ADD2: variants seen among roughly 807,000 people sequenced by gnomAD.
The protein encoded by ADD2 is beta-adducin.
ADD2 carries 23 observed loss-of-function variants against 83.0 expected under a neutral mutation model. That is an observed-to-expected ratio of 0.28 (90% CI 0.20 to 0.39). ADD2 has a LOEUF of 0.39. ADD2 is among the 10% of genes least tolerant of loss of function. The pLI is 1.00. For synonymous variants in ADD2, 375 were observed against 375.4 expected (o/e 1.00, Z 0.01); for missense variants, 758 against 944.9 (o/e 0.80, Z 2.59).
At chr2:70,762,425 C>G (rs1399451464) in intron 1 of ADD2, among the ~76,000 whole-genome samples, 1 of 151,774 alleles carries the variant, frequency 6.6e-6, no homozygotes, top group Non-Finnish European at 1.5e-5. Context: ...ATTTGTGTCA[C>G]AGAGGATAAC....
In ADD2 at chr2:70,696,416, C is replaced by T. The variant is rs150626277; in HGVS notation, c.323-20G>A. On this transcript the variant is annotated intron_variant, in intron 4 of 15. Coordinates refer to ENST00000264436, the MANE Select transcript of ADD2 (RefSeq NM_001617.4). ...AGACATCTGCAGGGACAGTGCAGTT[C>T]TCTCAGGGCCAGGGCCCATCTGCCC... 3 of 1,613,844 alleles carry T rather than the reference C, an allele frequency of 1.9e-6. No homozygotes were observed. Among genetic ancestry groups the T allele is most frequent in the East Asian group, 4.5e-5 (2 of 44,870 alleles).
At chr2:70,678,509 C>T (rs782740912) in intron 11 of ADD2, among the ~76,000 whole-genome samples, 195 bp downstream of exon 11, 1 of 152,210 alleles carries the variant, frequency 6.6e-6, no homozygotes, top group South Asian at 2.1e-4. Flanking sequence ...AAAACTCAGG[C>T]AGAGGTGCAA....
At position 70,692,343 on chromosome 2, in the gene ADD2, T is replaced by C. The variant is rs1172753936; in HGVS notation, c.705+60A>G. 12 of 1,460,474 alleles carry C rather than the reference T, an allele frequency of 8.2e-6. No individual in the cohort carries two copies. The East Asian group carries it at 1.2e-4, about 15-fold the overall frequency. The allele number at this position is 1,460,474 out of a possible 1,614,324, so 90.5% of individuals were successfully genotyped here. ...TTCCAGACTGTTTTAAGTGACGAGA[T>C]TGCTACAACCTCGGCAGCCTTACGT... On this transcript the variant is annotated intron_variant, in intron 7 of 15. Coordinates refer to ENST00000264436, the MANE Select transcript of ADD2 (RefSeq NM_001617.4).
At chr2:70,753,916 A>G (rs1674643425) in intron 1 of ADD2, among the ~76,000 whole-genome samples, 2 of 152,174 alleles carry the variant, frequency 1.3e-5, no homozygotes, top group South Asian at 4.1e-4. Flanking sequence ...AATTCTCATT[A>G]TTCCTGTAAG....
chr2:70,683,964 C>T (rs1180550729), intron 9 of ADD2, among the ~76,000 whole-genome samples, 197 bp from the exon 10 acceptor site: 1 of 152,134 alleles, frequency 6.6e-6, no homozygotes, highest in African/African-American at 2.4e-5. Flanking sequence ...GATGCCAGTT[C>T]TTAGAGATTA....
chr2:70,744,509 A>T lies in ADD2; in HGVS notation c.-154+23377T>A, dbSNP rs1007495216. ...GGAAGGCTGAGATATAAATGACATG[A>T]AAGGGCATTCCTAGTGCAGGGAACA... is the stretch of plus-strand genomic sequence containing the variant. On this transcript the variant is annotated intron_variant, in intron 1 of 15. Coordinates refer to ENST00000264436, the MANE Select transcript of ADD2 (RefSeq NM_001617.4). Among the ~76,000 whole-genome samples the T allele has an allele frequency of 2.0e-5, 3 of 152,304 alleles. No individual in the cohort carries two copies. The East Asian group carries it at 5.8e-4, about 29-fold the overall frequency.
Position 70,663,582 on chromosome 2 carries a change from G to C in ADD2, c.2024C>G (p.Thr675Arg). ...TTTGTCCTTAGAGGTATCAACATCC[G>C]TGTCAGCACTGGTGGTCATCTGGCT... ...GLSQMTTSAD[T>R]DVDTSKDKTE... The change falls in exon 16 of 16, where the codon ACG becomes AGG. Residue 675 changes from threonine (T) to arginine (R), a missense_variant. Thr to Arg is a moderately conservative substitution (Grantham distance 71). Transcript: ENST00000264436. 2 of 1,614,138 alleles carry C rather than the reference G, an allele frequency of 1.2e-6. No homozygotes were observed. Among genetic ancestry groups the C allele is most frequent in the Admixed American group, 1.7e-5 (1 of 60,020 alleles).
At chr2:70,711,863 A>G (rs1672195004) in intron 2 of ADD2, among the ~76,000 whole-genome samples, 1 of 152,208 alleles carries the variant, frequency 6.6e-6, no homozygotes, top group African/African-American at 2.4e-5. Context: ...TCCTAAATTT[A>G]TAGCCAAGTC....
rs117068993 is a variant in ADD2, at chr2:70,714,577, T to G, written c.-153-1393A>C. 1.2e-4 allele frequency among the ~76,000 whole-genome samples: 19 copies of G among 152,346 alleles called. No individual in the cohort carries two copies. In the East Asian group the frequency reaches 3.3e-3, roughly 26 times the overall value. ...CCCATCTACTTAGGAACAGGTTGCT[T>G]CTAAGAATGAGACTGTGCTCTGCAC... On this transcript the variant is annotated intron_variant, in intron 1 of 15. Transcript: ENST00000264436.
chr2:70,717,348 C>T (rs900376509), intron 1 of ADD2, among the ~76,000 whole-genome samples: 4 of 152,160 alleles, frequency 2.6e-5, no homozygotes, highest in Admixed American at 6.5e-5. Flanking sequence ...AAAAGGTCTA[C>T]AAGGGGAGTA....
In ADD2 at chr2:70,747,589, G is replaced by A. The variant is rs560289065; in HGVS notation, c.-154+20297C>T. On this transcript the variant is annotated intron_variant, in intron 1 of 15. Transcript: ENST00000264436. The stretch of plus-strand genomic sequence containing the variant: ...ATCATGCCACATGCTCTCCCATCAT[G>A]CTATATGCCTTCCTATCATGCTATG... 3.9e-5 allele frequency among the ~76,000 whole-genome samples: 6 copies of A among 152,122 alleles called. 1 individual carries two copies. In the South Asian group the frequency reaches 6.2e-4, roughly 16 times the overall value.
intron 1 of ADD2, among the ~76,000 whole-genome samples, chr2:70,725,795 C>G: frequency 6.7e-6 from 1 of 149,798 alleles, no homozygotes; most frequent in Non-Finnish European, 1.5e-5. Context: ...ACATACAAAC[C>G]ACCTGAGGAT....
intron 10 of ADD2, among the ~76,000 whole-genome samples, chr2:70,682,266 CAGAA>C (rs1465343327): frequency 6.6e-6 from 1 of 152,118 alleles, no homozygotes; most frequent in Non-Finnish European, 1.5e-5. Context: ...TCACTCCTCT[CAGAA>C]AGAGTTTAAA....
chr2:70,702,999 G>T (rs1431571456), intron 4 of ADD2, among the ~76,000 whole-genome samples: 1 of 152,020 alleles, frequency 6.6e-6, no homozygotes, highest in East Asian at 1.9e-4. Context: ...TGTGGTGCGT[G>T]CCCGTGGTCC....
chr2:70,736,892 ACCC>A (rs1402880738), intron 1 of ADD2, among the ~76,000 whole-genome samples: 1 of 152,076 alleles, frequency 6.6e-6, no homozygotes, highest in African/African-American at 2.4e-5. Context: ...AAAACAAACA[ACCC>A]CATCAAAAAG....
rs4987 is a variant in ADD2 at position 70,704,350 on chromosome 2, G to C, written c.293C>G (p.Ser98Cys). The change falls in exon 4 of 16, where the codon TCC becomes TGC. Residue 98 changes from serine to cysteine, a missense_variant. Ser to Cys is a moderately radical substitution (Grantham distance 112, BLOSUM62 -1). Transcript: ENST00000264436. ...GGAAGATGTCGGGAAGACTGCGTGG[G>C]AGGTGCTGGCCATGAAGTCCGCGAT... is the stretch of plus-strand genomic sequence containing the variant. ...RQIADFMASTSHAVFPTSSMN... is the reference protein window; with the variant it reads ...RQIADFMASTCHAVFPTSSMN... 7.6e-4 allele frequency: 1,228 copies of C among 1,613,724 alleles called. 7 individuals are homozygous for C. In the African/African-American group the frequency reaches 0.015, roughly 20 times the overall value.
rs782278719 is a variant in ADD2 at position 70,690,851 on chromosome 2, T to C, written c.784A>G (p.Asn262Asp). 2.5e-6 allele frequency: 4 copies of C among 1,614,136 alleles called. No individual in the cohort carries two copies. In the South Asian group the frequency reaches 4.4e-5, roughly 18 times the overall value. ...TCGGCTTCCTGCTCCATTTCCCCAT[T>C]GAAGTCATAATAGGCCATGTCCCCC... The part of the protein sequence containing the change: ...LVGDMAYYDF[N>D]GEMEQEADRI... The change falls in exon 8 of 16, where the codon AAT becomes GAT. Residue 262 changes from asparagine (N) to aspartate (D), a missense_variant. Physicochemically the swap from Asn to Asp is conservative, Grantham distance 23. Coordinates refer to ENST00000264436, the MANE Select transcript of ADD2 (RefSeq NM_001617.4).
Position 70,678,718 on chromosome 2 carries a change from G to A in ADD2, c.1369C>T (p.Arg457Ter), listed in dbSNP as rs1553368896. ...DEVQRSMGSPRPKTTWMKADE... is the reference protein window; with the variant it reads ...DEVQRSMGSP ...CTCCCCCTTACCGTGGTCTTGGGTC[G>A]GGGGCTGCCCATGCTCCTCTGGACC... The change falls in exon 11 of 16, where the codon CGA (arginine) becomes TGA (stop). Residue 457 changes from arginine (R) to a stop codon, truncating the protein, a stop_gained. Transcript: ENST00000264436. LOFTEE classifies it high-confidence loss of function. 3.2e-6 allele frequency: 5 copies of A among 1,570,178 alleles called. No homozygotes were observed. The highest frequency in any genetic ancestry group is 1.2e-5 in the South Asian group (1 of 83,142).
At chr2:70,708,035 T>C (rs1671991727) in intron 2 of ADD2, among the ~76,000 whole-genome samples, 1 of 152,230 alleles carries the variant, frequency 6.6e-6, no homozygotes, top group Admixed American at 6.5e-5. Context: ...GTAGAGCATA[T>C]TCTTGTTGTC....
Sources: gnomAD v4.1 joint callset for allele counts (sites outside exome capture counted in the v4.1 genomes callset) on GRCh38, gnomAD v4.1.1 for gene constraint, MANE v1.5 for transcripts, NCBI Gene and HGNC (gene_info 2026-07-23, HGNC 2026-07-21) for gene names.